CNTN5: variants seen among roughly 807,000 people sequenced by gnomAD.
CNTN5 encodes contactin 5, also known as contactin-5.
CNTN5 carries 77 observed loss-of-function variants against 129.1 expected under a neutral mutation model. The ratio of observed to expected loss-of-function variants is 0.60; its 90% CI spans 0.50 to 0.72. The LOEUF is 0.72. CNTN5 is among the 30% of genes least tolerant of loss of function. CNTN5 has a pLI of 0.00. For missense variants in CNTN5, 1,478 were observed against 1,328.8 expected (o/e 1.11, Z -1.75); for synonymous variants, 509 against 465.6 (o/e 1.09, Z -1.20).
intron 3 of CNTN5, among the ~76,000 whole-genome samples, chr11:99,796,451 G>A (rs2119579): frequency 0.12 from 17,697 of 152,046 alleles, 1,603 homozygotes; most frequent in East Asian, 0.42. Context: ...GGAAGGATAT[G>A]GTGGGGGGTA....
chr11:100,246,291 T>C (rs923081004), intron 16 of CNTN5, among the ~76,000 whole-genome samples: 1 of 152,204 alleles, frequency 6.6e-6, no homozygotes, highest in African/African-American at 2.4e-5. Flanking sequence ...TCATTCTCTT[T>C]ATAAAATGCA....
chr11:99,932,699 T>C (rs967597658), intron 7 of CNTN5, among the ~76,000 whole-genome samples: 13 of 152,172 alleles, frequency 8.5e-5, no homozygotes, highest in Admixed American at 7.2e-4. Flanking sequence ...ATGATATATG[T>C]AAAGTATTTT....
At chr11:99,379,874 G>T (rs1940423246) in intron 2 of CNTN5, among the ~76,000 whole-genome samples, 1 of 151,812 alleles carries the variant, frequency 6.6e-6, no homozygotes, top group Non-Finnish European at 1.5e-5. Flanking sequence ...GCATATGTAT[G>T]TGTGTGAATA....
intron 8 of CNTN5, among the ~76,000 whole-genome samples, chr11:99,978,482 A>T (rs75113175): frequency 2.0e-5 from 3 of 152,128 alleles, no homozygotes; most frequent in African/African-American, 7.2e-5. Flanking sequence ...TGCAAGTGCT[A>T]TTTGTAGTAA....
At chr11:99,600,778 C>A (rs1041400383) in intron 3 of CNTN5, among the ~76,000 whole-genome samples, 1 of 151,910 alleles carries the variant, frequency 6.6e-6, no homozygotes, top group Non-Finnish European at 1.5e-5. Context: ...TTCACCTTTA[C>A]ATATTAAAGG....
At chr11:99,505,624 C>A (rs61894112) in intron 2 of CNTN5, among the ~76,000 whole-genome samples, 27,655 of 152,086 alleles carry the variant, frequency 0.18, 2,891 homozygotes, top group East Asian at 0.46. Flanking sequence ...TCCTAATTAC[C>A]TTCTTGTTTC....
chr11:100,276,117 A>G (rs1263316251), intron 18 of CNTN5, among the ~76,000 whole-genome samples: 2 of 152,218 alleles, frequency 1.3e-5, no homozygotes, highest in Non-Finnish European at 2.9e-5. Context: ...CTTATTTAAT[A>G]GAATATTCTA....
intron 8 of CNTN5, among the ~76,000 whole-genome samples, chr11:99,972,288 A>G (rs1323063295): frequency 6.6e-6 from 1 of 151,838 alleles, no homozygotes. Context: ...ATAAATAAAA[A>G]TAAAAAAATG....
intron 15 of CNTN5, among the ~76,000 whole-genome samples, chr11:100,194,675 G>T (rs947169410): frequency 1.3e-5 from 2 of 151,214 alleles, no homozygotes; most frequent in African/African-American, 4.9e-5. Context: ...TCTCTAGTCA[G>T]CTGTGTAACA....
At chr11:99,647,956 A>G (rs569768402) in intron 3 of CNTN5, among the ~76,000 whole-genome samples, 1 of 151,986 alleles carries the variant, frequency 6.6e-6, no homozygotes, top group South Asian at 2.1e-4. Flanking sequence ...TTCTATATAT[A>G]AGATCACATG....
chr11:99,851,014 T>C (rs1389088656), intron 6 of CNTN5, among the ~76,000 whole-genome samples: 1 of 143,514 alleles, frequency 7.0e-6, no homozygotes, highest in African/African-American at 2.6e-5. Context: ...TATTCACTGA[T>C]TAATTTTTTT....
intron 12 of CNTN5, among the ~76,000 whole-genome samples, chr11:100,073,245 C>T (rs1321203036): frequency 6.6e-6 from 1 of 151,932 alleles, no homozygotes; most frequent in African/African-American, 2.4e-5. Context: ...TGGGGTTTCA[C>T]CGTGTTGGCC....
intron 8 of CNTN5, among the ~76,000 whole-genome samples, chr11:99,962,844 G>T (rs9667718): frequency 1.3e-5 from 2 of 149,458 alleles, no homozygotes; most frequent in Non-Finnish European, 3.0e-5. Flanking sequence ...TTTAATGATC[G>T]CCATTCTAAC....
intron 13 of CNTN5, among the ~76,000 whole-genome samples, chr11:100,098,711 G>A (rs1024734053): frequency 2.0e-5 from 3 of 152,040 alleles, no homozygotes; most frequent in African/African-American, 4.8e-5. Context: ...CCAGCAAAAT[G>A]GTTATTCTCC....
intron 21 of CNTN5, among the ~76,000 whole-genome samples, chr11:100,322,931 A>G (rs983648727): frequency 5.3e-5 from 8 of 152,238 alleles, no homozygotes; most frequent in African/African-American, 1.9e-4. Flanking sequence ...ATTATGAATC[A>G]ATGAATAATC....
At chr11:99,779,758 T>C (rs1451642138) in intron 3 of CNTN5, among the ~76,000 whole-genome samples, 1 of 152,026 alleles carries the variant, frequency 6.6e-6, no homozygotes, top group Non-Finnish European at 1.5e-5. Context: ...CAAAGGAAGT[T>C]CTTATTACAT....
At chr11:99,113,076 C>T (rs7110775) in intron 1 of CNTN5, among the ~76,000 whole-genome samples, 70,803 of 151,730 alleles carry the variant, frequency 0.47, 16,704 homozygotes, top group East Asian at 0.61. Flanking sequence ...CAGGCAAAAA[C>T]ATGAATTAAC....
intron 2 of CNTN5, among the ~76,000 whole-genome samples, chr11:99,361,889 A>G (rs1939135698): frequency 6.6e-6 from 1 of 152,124 alleles, no homozygotes. Flanking sequence ...CATTCATCCA[A>G]TGAAGGACAT....
intron 3 of CNTN5, among the ~76,000 whole-genome samples, chr11:99,678,632 G>A (rs535972284): frequency 4.6e-5 from 7 of 152,216 alleles, no homozygotes; most frequent in African/African-American, 1.4e-4. Context: ...ACCTGTGAGT[G>A]TGGGAGGGAA....
Sources: allele counts gnomAD v4.1 joint callset (sites outside exome capture counted in the v4.1 genomes callset), GRCh38; gene constraint gnomAD v4.1.1; transcripts MANE v1.5; gene names NCBI Gene and HGNC (gene_info 2026-07-23, HGNC 2026-07-21).